Variants in PTPN3 observed in about 807,000 individuals in gnomAD.
The protein encoded by PTPN3 is protein tyrosine phosphatase non-receptor type 3.
A neutral mutation model predicts 132.7 loss-of-function variants in PTPN3; 96 were observed. That is an observed-to-expected ratio of 0.72 (90% CI 0.61 to 0.86). The LOEUF (loss-of-function observed/expected upper bound fraction) is 0.86, where lower values mean the gene tolerates loss of function less well. Among genes scored for constraint, PTPN3 ranks in the 40% least tolerant of loss-of-function variants. The pLI is 0.00. For synonymous variants in PTPN3, 398 were observed against 429.0 expected (o/e 0.93, Z 0.89); for missense variants, 1,125 against 1,159.6 (o/e 0.97, Z 0.43).
At chr9:109,383,175 G>T in intron 23 of PTPN3, 1 of 570,582 alleles carries the variant, frequency 1.8e-6, no homozygotes, top group Non-Finnish European at 3.1e-6. Flanking sequence ...TCCATTGTAT[G>T]GACAGACCAC....
intron 1 of PTPN3, among the ~76,000 whole-genome samples, chr9:109,497,547 A>T (rs1480429035): frequency 6.6e-6 from 1 of 152,074 alleles, no homozygotes; most frequent in African/African-American, 2.4e-5. Context: ...CTTCCCATGA[A>T]TTTTTAAGGC....
chr9:109,505,374 G>A, the PTPN3 span, among the ~76,000 whole-genome samples: 1 of 152,226 alleles, frequency 6.6e-6, no homozygotes, highest in East Asian at 1.9e-4. Flanking sequence ...CTGGGCTCAA[G>A]TGATCTTCCT....
chr9:109,383,340 C>T lies in PTPN3; in HGVS notation c.2382+83G>A, dbSNP rs1245098966. The T allele has an allele frequency of 9.9e-6, 16 of 1,609,690 alleles. No homozygotes were observed. In the East Asian group the frequency reaches 1.8e-4, roughly 18 times the overall value. On this transcript the variant is annotated intron_variant, in intron 23 of 25. Transcript: ENST00000374541. ...TTGCCAGGTGCAAACAGAGTGCACACCTAGAAGCGTGACCACCTGGGATGA... is the reference window on the plus strand; with the variant it reads ...TTGCCAGGTGCAAACAGAGTGCACATCTAGAAGCGTGACCACCTGGGATGA...
In PTPN3 at chr9:109,467,612, G is replaced by GA. The variant is rs1365112415; in HGVS notation, c.-17-4162dup. Among the ~76,000 whole-genome samples the GA allele has an allele frequency of 3.3e-5, 5 of 152,220 alleles. No homozygotes were observed. The East Asian group carries it at 9.6e-4, about 29-fold the overall frequency. On this transcript the variant is annotated intron_variant, in intron 1 of 25. Coordinates refer to ENST00000374541, the MANE Select transcript of PTPN3 (RefSeq NM_002829.4). ...GTTGTTCTGTGGAACAGCTAAAGCA[G>GA]AGATAGTCACACAATGACCCCAGGC...
intron 22 of PTPN3, among the ~76,000 whole-genome samples, chr9:109,387,790 T>C (rs148342317): frequency 1.1e-4 from 17 of 152,204 alleles, no homozygotes; most frequent in African/African-American, 3.9e-4. Context: ...CAAAAAATGA[T>C]ATTTCTCTCC....
At chr9:109,436,508 A>G (rs749881216) in intron 9 of PTPN3, among the ~76,000 whole-genome samples, 10 of 152,188 alleles carry the variant, frequency 6.6e-5, no homozygotes, top group Non-Finnish European at 1.3e-4. Flanking sequence ...ATGAGTAACT[A>G]TCTCCAATTT....
At chr9:109,496,909 T>A (rs1847694135) in intron 1 of PTPN3, among the ~76,000 whole-genome samples, 1 of 152,172 alleles carries the variant, frequency 6.6e-6, no homozygotes. Flanking sequence ...ATCTAAATAA[T>A]CGCTTAAAGT....
the PTPN3 span, among the ~76,000 whole-genome samples, chr9:109,530,278 A>G: frequency 7.2e-5 from 11 of 152,060 alleles, no homozygotes; most frequent in African/African-American, 2.4e-4. Flanking sequence ...CCACCATTCT[A>G]TCTTCTGTCT....
At chr9:109,381,545 G>A in intron 25 of PTPN3, 107 bp downstream of exon 25, 1 of 1,466,694 alleles carries the variant, frequency 6.8e-7, no homozygotes, top group South Asian at 1.2e-5. Flanking sequence ...AAGTGATTCA[G>A]TCCCCCTGAG....
intron 1 of PTPN3, among the ~76,000 whole-genome samples, chr9:109,479,816 C>T (rs749680397): frequency 9.9e-5 from 15 of 152,154 alleles, no homozygotes; most frequent in African/African-American, 1.7e-4. Flanking sequence ...TGAGCTCAAG[C>T]GATACACCCT....
At chr9:109,513,240 A>T in the PTPN3 span, among the ~76,000 whole-genome samples, 1 of 152,108 alleles carries the variant, frequency 6.6e-6, no homozygotes, top group East Asian at 1.9e-4. Flanking sequence ...GGCTGGTCTC[A>T]AACTCCTGGC....
At chr9:109,464,060 G>A (rs1845979248) in intron 1 of PTPN3, among the ~76,000 whole-genome samples, 1 of 152,104 alleles carries the variant, frequency 6.6e-6, no homozygotes, top group Non-Finnish European at 1.5e-5. Flanking sequence ...TCAAAGAAAT[G>A]CAAATTAAAC....
chr9:109,427,312 T>C (rs561232453), intron 11 of PTPN3, among the ~76,000 whole-genome samples, 190 bp from the exon 12 acceptor site: 17 of 152,366 alleles, frequency 1.1e-4, no homozygotes, highest in Admixed American at 9.8e-4. Flanking sequence ...TTTATGAACA[T>C]GGTAATAGAG....
At chr9:109,433,265 C>T (rs1306620710) in intron 9 of PTPN3, 104 bp from the exon 10 acceptor site, 2 of 1,452,914 alleles carry the variant, frequency 1.4e-6, no homozygotes, top group African/African-American at 1.4e-5. Flanking sequence ...TATGTATAGG[C>T]TCCAAATGGG....
At chr9:109,524,681 G>A in the PTPN3 span, among the ~76,000 whole-genome samples, 1 of 152,172 alleles carries the variant, frequency 6.6e-6, no homozygotes, top group Admixed American at 6.5e-5. Flanking sequence ...GGATCGTTAT[G>A]GATTCTTTTC....
intron 19 of PTPN3, among the ~76,000 whole-genome samples, chr9:109,403,718 AAAAT>A (rs2131714289): frequency 6.6e-6 from 1 of 152,350 alleles, no homozygotes; most frequent in East Asian, 1.9e-4. Flanking sequence ...TAAAAATAAG[AAAAT>A]AAATTTGGAA....
intron 5 of PTPN3, chr9:109,451,102 G>T: frequency 1.0e-6 from 1 of 972,360 alleles, no homozygotes; most frequent in Non-Finnish European, 1.2e-6. Flanking sequence ...AAGATAAGAT[G>T]ATCTGGCAGC....
In PTPN3 at chr9:109,455,462, T is replaced by C. The variant is rs560248122; in HGVS notation, c.290-888A>G. Among the ~76,000 whole-genome samples, 13 of 152,332 alleles carry C rather than the reference T, an allele frequency of 8.5e-5. No homozygotes were observed. In the South Asian group the frequency reaches 2.5e-3, roughly 29 times the overall value. On this transcript the variant is annotated intron_variant, in intron 4 of 25. Transcript: ENST00000374541. ...CACTAGCCTGCTAGATCTCCTCCTC[T>C]ACCTGAGATCATCCTGAGCTCTACC... is the stretch of plus-strand genomic sequence containing the variant.
chr9:109,425,246 T>C (rs770364545), intron 12 of PTPN3, among the ~76,000 whole-genome samples: 30 of 152,330 alleles, frequency 2.0e-4, no homozygotes, highest in Admixed American at 5.2e-4. Context: ...TAGCTACTTA[T>C]TCAGTTTACA....
Sources: gnomAD v4.1 joint callset for allele counts (sites outside exome capture counted in the v4.1 genomes callset) on GRCh38, gnomAD v4.1.1 for gene constraint, MANE v1.5 for transcripts, NCBI Gene and HGNC (gene_info 2026-07-23, HGNC 2026-07-21) for gene names.